SGCD: variants seen among roughly 807,000 people sequenced by gnomAD.
The protein encoded by SGCD is sarcoglycan delta.
SGCD carries 18 observed loss-of-function variants against 36.6 expected under a neutral mutation model. The ratio of observed to expected loss-of-function variants is 0.49; its 90% CI spans 0.34 to 0.73. The LOEUF (loss-of-function observed/expected upper bound fraction) is 0.73. SGCD is among the 30% of genes least tolerant of loss of function. SGCD has a pLI of 0.01. For missense variants in SGCD, 387 were observed against 346.7 expected (o/e 1.12, Z -0.92); for synonymous variants, 133 against 130.6 (o/e 1.02, Z -0.12).
intron 3 of SGCD, among the ~76,000 whole-genome samples, chr5:156,506,722 A>G (rs530097020): frequency 6.6e-6 from 1 of 152,326 alleles, no homozygotes; most frequent in Non-Finnish European, 1.5e-5. Flanking sequence ...GTCATAGTTA[A>G]AAAGTAAAAA....
At chr5:156,464,799 C>T (rs1754651035) in intron 3 of SGCD, among the ~76,000 whole-genome samples, 1 of 152,132 alleles carries the variant, frequency 6.6e-6, no homozygotes. Context: ...TGTCAAATAA[C>T]GTAATGACAT....
chr5:155,821,905 G>A, the SGCD span, among the ~76,000 whole-genome samples: 1 of 152,120 alleles, frequency 6.6e-6, no homozygotes, highest in Non-Finnish European at 1.5e-5. Flanking sequence ...CTATCTTAGA[G>A]GATTTTTGTG....
In SGCD at chr5:156,420,742, C is replaced by T. The variant is rs1773265256; in HGVS notation, c.192+76065C>T. ...GTGTAATTGCTAAGACAATTAGCTG[C>T]AAGCTACAGCTACTATTCCTTAGAA... is the stretch of plus-strand genomic sequence containing the variant. On this transcript the variant is annotated intron_variant, in intron 3 of 8. Coordinates refer to ENST00000337851, the MANE Select transcript of SGCD (RefSeq NM_000337.6). Among the ~76,000 whole-genome samples the T allele has an allele frequency of 3.3e-5, 5 of 152,220 alleles. No homozygotes were observed. In the South Asian group the frequency reaches 8.3e-4, roughly 25 times the overall value.
intron 4 of SGCD, among the ~76,000 whole-genome samples, chr5:156,523,018 A>C (rs1757479646): frequency 6.6e-6 from 1 of 152,138 alleles, no homozygotes; most frequent in African/African-American, 2.4e-5. Flanking sequence ...TTTTAGCATG[A>C]TGTCAATTGA....
At chr5:155,750,725 G>A in the SGCD span, among the ~76,000 whole-genome samples, 1 of 152,212 alleles carries the variant, frequency 6.6e-6, no homozygotes, top group Non-Finnish European at 1.5e-5. Context: ...TTGTAGAGTA[G>A]CAAACACTGA....
chr5:156,253,648 T>C (rs2127662111), intron 3 of SGCD, among the ~76,000 whole-genome samples: 1 of 152,276 alleles, frequency 6.6e-6, no homozygotes, highest in South Asian at 2.1e-4. Flanking sequence ...AGTATATTAA[T>C]ACATCAAAAA....
At chr5:156,236,713 G>T (rs959895357) in intron 3 of SGCD, among the ~76,000 whole-genome samples, 1 of 152,052 alleles carries the variant, frequency 6.6e-6, no homozygotes, top group Non-Finnish European at 1.5e-5. Context: ...CTCCCAAAGT[G>T]CTGGGATTAC....
At chr5:155,854,065 T>TA in the SGCD span, among the ~76,000 whole-genome samples, 39 of 152,258 alleles carry the variant, frequency 2.6e-4, no homozygotes, top group African/African-American at 9.4e-4. Context: ...CCTTATTTTT[T>TA]AAAAAATCTT....
At chr5:156,718,709 C>T (rs996068243) in intron 7 of SGCD, among the ~76,000 whole-genome samples, 4 of 151,190 alleles carry the variant, frequency 2.6e-5, no homozygotes, top group African/African-American at 9.7e-5. Context: ...TGGCTCACAT[C>T]TATAATACCA....
chr5:156,284,561 A>G (rs1766543177), intron 3 of SGCD, among the ~76,000 whole-genome samples: 1 of 152,198 alleles, frequency 6.6e-6, no homozygotes, highest in South Asian at 2.1e-4. Context: ...AACAGAACCA[A>G]CGACAAAAAC....
At chr5:156,240,393 A>C (rs1765277086) in intron 3 of SGCD, among the ~76,000 whole-genome samples, 1 of 152,152 alleles carries the variant, frequency 6.6e-6, no homozygotes, top group African/African-American at 2.4e-5. Flanking sequence ...ATGCTAACAA[A>C]ATAGAAAAGA....
At chr5:156,219,180 A>G (rs149378406) in intron 3 of SGCD, among the ~76,000 whole-genome samples, 87 of 152,318 alleles carry the variant, frequency 5.7e-4, no homozygotes, top group African/African-American at 2.0e-3. Context: ...TGCGAAACTC[A>G]TTGGACCCCT....
chr5:155,791,560 A>C, the SGCD span, among the ~76,000 whole-genome samples: 1,454 of 152,252 alleles, frequency 9.5e-3, 21 homozygotes, highest in African/African-American at 0.033. Flanking sequence ...ATTCAGTAAC[A>C]TTTCAGGATA....
chr5:155,904,729 T>A (rs1392909808), intron 1 of SGCD, among the ~76,000 whole-genome samples: 1 of 152,182 alleles, frequency 6.6e-6, no homozygotes, highest in African/African-American at 2.4e-5. Flanking sequence ...ATAGGTTTTT[T>A]AAAAAATACA....
At chr5:156,692,036 G>T (rs1754131207) in intron 7 of SGCD, among the ~76,000 whole-genome samples, 1 of 152,190 alleles carries the variant, frequency 6.6e-6, no homozygotes, top group South Asian at 2.1e-4. Flanking sequence ...CTTTCAACTT[G>T]TGACTAGGTA....
chr5:155,800,270 T>C, the SGCD span, among the ~76,000 whole-genome samples: 3 of 152,224 alleles, frequency 2.0e-5, no homozygotes, highest in Non-Finnish European at 4.4e-5. Flanking sequence ...TATCCTCTTT[T>C]ATTCATCTTC....
intron 3 of SGCD, among the ~76,000 whole-genome samples, chr5:156,402,382 A>G (rs1270569013): frequency 6.6e-6 from 1 of 152,230 alleles, no homozygotes; most frequent in East Asian, 1.9e-4. Context: ...TATGGCATAG[A>G]GCAATTTTTT....
At chr5:155,773,462 A>G in the SGCD span, among the ~76,000 whole-genome samples, 1 of 152,082 alleles carries the variant, frequency 6.6e-6, no homozygotes, top group Non-Finnish European at 1.5e-5. Flanking sequence ...TTACAGGTGT[A>G]AGCCACCATG....
intron 1 of SGCD, among the ~76,000 whole-genome samples, chr5:155,987,678 A>G (rs188650982): frequency 2.0e-5 from 3 of 152,232 alleles, no homozygotes; most frequent in Non-Finnish European, 4.4e-5. Context: ...GCTTTTACTC[A>G]TTCATCTGCC....
Sources: gnomAD v4.1 joint callset for allele counts (sites outside exome capture counted in the v4.1 genomes callset) on GRCh38, gnomAD v4.1.1 for gene constraint, MANE v1.5 for transcripts, NCBI Gene and HGNC (gene_info 2026-07-23, HGNC 2026-07-21) for gene names.